The following PTPRT variants were observed in gnomAD, a reference collection of about 807,000 sequenced individuals.
PTPRT encodes the protein protein tyrosine phosphatase receptor type T.
PTPRT carries 56 observed loss-of-function variants against 176.8 expected under a neutral mutation model. That is an observed-to-expected ratio of 0.32 (90% CI 0.26 to 0.40). The LOEUF (loss-of-function observed/expected upper bound fraction) is 0.40. Ranked by LOEUF, PTPRT falls within the 10% of genes least tolerant of loss-of-function variation. The pLI, the probability that PTPRT is intolerant of heterozygous loss-of-function variation, is 1.00. For missense variants in PTPRT, 1,540 were observed against 1,908.2 expected, an observed-to-expected ratio of 0.81 and a Z score of 3.60; for synonymous variants, 783 against 739.0, an observed-to-expected ratio of 1.06 and a Z score of -0.96.
intron 7 of PTPRT, among the ~76,000 whole-genome samples, chr20:42,487,875 T>C (rs2071490942): frequency 6.6e-6 from 1 of 152,234 alleles, no homozygotes; most frequent in Admixed American, 6.5e-5. Context: ...TTATTGACAC[T>C]CTTCACTTTC....
At chr20:42,493,326 T>C (rs572329128) in intron 7 of PTPRT, among the ~76,000 whole-genome samples, 2 of 152,264 alleles carry the variant, frequency 1.3e-5, no homozygotes, top group South Asian at 4.1e-4. Context: ...AGTTTACTCA[T>C]TTGTAGAAGG....
intron 7 of PTPRT, among the ~76,000 whole-genome samples, chr20:42,660,486 G>T (rs1049084041): frequency 2.0e-5 from 3 of 152,148 alleles, no homozygotes; most frequent in Non-Finnish European, 4.4e-5. Flanking sequence ...CCCTCTATTA[G>T]TTAATGAGCT....
At chr20:42,703,626 G>A (rs568101078) in intron 6 of PTPRT, among the ~76,000 whole-genome samples, 1 of 152,256 alleles carries the variant, frequency 6.6e-6, no homozygotes, top group Middle Eastern at 3.4e-3. Context: ...GCTCTTGGAA[G>A]ACGAAGCTTA....
intron 13 of PTPRT, among the ~76,000 whole-genome samples, chr20:42,276,097 T>C (rs6065455): frequency 6.6e-6 from 1 of 151,822 alleles, no homozygotes; most frequent in Non-Finnish European, 1.5e-5. Flanking sequence ...GATTTGGACA[T>C]GCTATGCTCC....
Position 43,068,876 on chromosome 20 carries a change from A to T in PTPRT, c.88+120770T>A, listed in dbSNP as rs555725318. On this transcript the variant is annotated intron_variant, in intron 1 of 30. Coordinates refer to ENST00000373187, the MANE Select transcript of PTPRT (RefSeq NM_007050.6). ...GGCACCAAATGCTCCAAAAGCATGGAGGAGGAGACAGAGGAAGAAAACCTG... is the reference window on the plus strand; with the variant it reads ...GGCACCAAATGCTCCAAAAGCATGGTGGAGGAGACAGAGGAAGAAAACCTG... Among the ~76,000 whole-genome samples the T allele has an allele frequency of 3.3e-5, 5 of 152,318 alleles. No individual in the cohort carries two copies. In the South Asian group the frequency reaches 1.0e-3, roughly 32 times the overall value.
intron 7 of PTPRT, among the ~76,000 whole-genome samples, chr20:42,502,977 T>G (rs1172178566): frequency 6.6e-6 from 1 of 152,112 alleles, no homozygotes; most frequent in Non-Finnish European, 1.5e-5. Flanking sequence ...TTTCAGGCTA[T>G]TTGGTTATTA....
intron 2 of PTPRT, among the ~76,000 whole-genome samples, chr20:42,841,854 C>G (rs1336228332): frequency 1.3e-5 from 2 of 152,198 alleles, no homozygotes; most frequent in South Asian, 2.1e-4. Context: ...TTCAATCTAG[C>G]TGAAGCCAAA....
At chr20:42,215,803 C>T (rs1422643809) in intron 15 of PTPRT, among the ~76,000 whole-genome samples, 3 of 99,432 alleles carry the variant, frequency 3.0e-5, no homozygotes, top group Non-Finnish European at 7.7e-5. Flanking sequence ...GGGTATCCAG[C>T]CCCCGACTGC....
intron 7 of PTPRT, among the ~76,000 whole-genome samples, chr20:42,538,917 T>A (rs2072526145): frequency 6.6e-6 from 1 of 152,186 alleles, no homozygotes; most frequent in African/African-American, 2.4e-5. Flanking sequence ...TTTGGCAAAC[T>A]CCTATTCATT....
chr20:42,614,958 T>C (rs1227946062), intron 7 of PTPRT, among the ~76,000 whole-genome samples: 2 of 149,518 alleles, frequency 1.3e-5, no homozygotes, highest in African/African-American at 2.5e-5. Flanking sequence ...AATTATACTT[T>C]AAGTTTTAGG....
chr20:42,852,882 C>T (rs2078499998), intron 2 of PTPRT, among the ~76,000 whole-genome samples: 1 of 152,148 alleles, frequency 6.6e-6, no homozygotes, highest in South Asian at 2.1e-4. Context: ...CACAAGTTCA[C>T]TCAGAGTGGC....
chr20:43,176,604 A>G (rs964406666), intron 1 of PTPRT, among the ~76,000 whole-genome samples: 4 of 152,202 alleles, frequency 2.6e-5, no homozygotes, highest in Admixed American at 2.6e-4. Context: ...TACCTCTTCT[A>G]AAGAGTGTAG....
chr20:43,150,756 C>T (rs2014325020), intron 1 of PTPRT, among the ~76,000 whole-genome samples: 2 of 152,110 alleles, frequency 1.3e-5, no homozygotes, highest in African/African-American at 4.8e-5. Context: ...TGTGTCCGGC[C>T]TTCCACAGGG....
intron 9 of PTPRT, among the ~76,000 whole-genome samples, chr20:42,409,928 T>C (rs575818971): frequency 6.6e-6 from 1 of 151,928 alleles, no homozygotes; most frequent in East Asian, 1.9e-4. Flanking sequence ...TAAAAAGAAA[T>C]CATGAAAGTA....
intron 15 of PTPRT, among the ~76,000 whole-genome samples, chr20:42,217,426 GAA>G (rs1454591399): frequency 4.8e-5 from 3 of 62,894 alleles, no homozygotes; most frequent in African/African-American, 2.3e-4. Context: ...CACACACACA[GAA>G]CATTACGTCC....
At chr20:42,108,508 C>CAATT (rs764133069) in intron 23 of PTPRT, among the ~76,000 whole-genome samples, 18 of 152,150 alleles carry the variant, frequency 1.2e-4, no homozygotes, top group Non-Finnish European at 2.5e-4. Context: ...GATGAAATTA[C>CAATT]AATTAAAATG....
rs547499499 is a variant in PTPRT, at chr20:42,976,380, TTAAAG to T, written c.89-90453_89-90449del. On this transcript the variant is annotated intron_variant, in intron 1 of 30. Transcript: ENST00000373187. ...AACACAGAGTTGAAATTAATTGTAT[TTAAAG>T]TATAGTATGCATTTTTTATTTATTT... 2.3e-3 allele frequency among the ~76,000 whole-genome samples: 348 copies of T among 152,202 alleles called. 1 individual carries two copies. The highest frequency in any genetic ancestry group is 3.6e-3 in the Non-Finnish European group (245 of 68,008).
At chr20:42,503,950 C>G (rs570816784) in intron 7 of PTPRT, among the ~76,000 whole-genome samples, 1 of 152,082 alleles carries the variant, frequency 6.6e-6, no homozygotes, top group South Asian at 2.1e-4. Context: ...ATGAGGGAAT[C>G]CTACCTTCAT....
chr20:42,036,722 G>T, the PTPRT span, among the ~76,000 whole-genome samples: 1 of 152,188 alleles, frequency 6.6e-6, no homozygotes, highest in Admixed American at 6.6e-5. Context: ...CCAAGTGGCT[G>T]GTTCAGCCAG....
Sources: gnomAD v4.1 joint callset for allele counts (sites outside exome capture counted in the v4.1 genomes callset) on GRCh38, gnomAD v4.1.1 for gene constraint, MANE v1.5 for transcripts, NCBI Gene and HGNC (gene_info 2026-07-23, HGNC 2026-07-21) for gene names.